Variants in TRAF3 observed in about 807,000 individuals in gnomAD.
TRAF3 encodes the protein TNF receptor associated factor 3, also known as TNF receptor-associated factor 3.
TRAF3 carries 13 observed loss-of-function variants against 62.3 expected under a neutral mutation model. That is an observed-to-expected ratio of 0.21 (90% CI 0.14 to 0.33). TRAF3 has a LOEUF of 0.33. Among genes scored for constraint, TRAF3 ranks in the 10% least tolerant of loss-of-function variants. The probability of loss-of-function intolerance (pLI) is 1.00; values close to 1 mark genes in which losing one functional copy is unlikely to be tolerated. For synonymous variants in TRAF3, 269 were observed against 283.4 expected (o/e 0.95, Z 0.51); for missense variants, 440 against 741.8 (o/e 0.59, Z 4.73).
rs201211273 is a variant in TRAF3, at chr14:102,891,405, G to T, written c.807G>T (p.Ser269=). ...ACCTGCTGAAGGAGTGGAGCAACTC[G>T]CTCGAAAAGAAGGTGGGCTGCACAC... ...HVNLLKEWSN[S]LEKKVSLLQN... Residue 269 remains serine (S), a synonymous_variant, in exon 9 of 12, where the codon TCG becomes TCT. Transcript: ENST00000392745. 2 of 1,612,036 alleles carry T rather than the reference G, an allele frequency of 1.2e-6. No homozygotes were observed. The highest frequency in any genetic ancestry group is 1.1e-5 in the South Asian group (1 of 90,566).
At chr14:102,904,809 C>CAAA (rs36006172) in intron 11 of TRAF3, among the ~76,000 whole-genome samples, 2 of 80,012 alleles carry the variant, frequency 2.5e-5, no homozygotes, top group East Asian at 3.4e-4. Flanking sequence ...GACTCCATCT[C>CAAA]AAAAAAAAAA....
At chr14:102,864,042 G>C (rs1049416420) in intron 2 of TRAF3, among the ~76,000 whole-genome samples, 3 of 152,104 alleles carry the variant, frequency 2.0e-5, no homozygotes, top group Admixed American at 2.0e-4. Context: ...TTCTTGCTGA[G>C]ATTCACCTGG....
At chr14:102,781,837 G>T (rs1370459080) in intron 1 of TRAF3, among the ~76,000 whole-genome samples, 1 of 143,188 alleles carries the variant, frequency 7.0e-6, no homozygotes, top group African/African-American at 2.7e-5. Context: ...CTGTCACCCA[G>T]ACTGAAGTGC....
intron 3 of TRAF3, among the ~76,000 whole-genome samples, chr14:102,870,917 G>T (rs1312021272): frequency 3.3e-5 from 5 of 152,232 alleles, no homozygotes; most frequent in Admixed American, 6.5e-5. Context: ...TGTGGAACAT[G>T]CACCGAGCCC....
rs1422877507 is a variant in TRAF3, at chr14:102,907,933, G to T, written c.*2149G>T. The T allele has an allele frequency of 2.0e-5, 3 of 152,288 alleles. No individual in the cohort carries two copies. Among genetic ancestry groups the T allele is most frequent in the Non-Finnish European group, 4.4e-5 (3 of 68,056 alleles). The allele number at this position is 152,288 out of a possible 1,614,324, so 9.4% of individuals were successfully genotyped here. On this transcript the variant is annotated 3_prime_UTR_variant, in exon 12 of 12. Coordinates refer to ENST00000392745, the MANE Select transcript of TRAF3 (RefSeq NM_145725.3). ...AGGAAGGACTTCCTGCAGAAGCTGC[G>T]GAAAACTACTGTTCCCTCGAAGGTG... is the stretch of plus-strand genomic sequence containing the variant.
intron 9 of TRAF3, among the ~76,000 whole-genome samples, chr14:102,895,878 A>G (rs1889981479): frequency 6.6e-6 from 1 of 152,112 alleles, no homozygotes; most frequent in African/African-American, 2.4e-5. Context: ...CTTCCGTGGA[A>G]GGGTATCCTC....
At chr14:102,833,994 G>GAA (rs34699700) in intron 2 of TRAF3, among the ~76,000 whole-genome samples, 47,826 of 149,858 alleles carry the variant, frequency 0.32, 9,851 homozygotes, top group African/African-American at 0.58. Flanking sequence ...GTCTCGGGGG[G>GAA]AAAAAAAAGA....
At position 102,777,633 on chromosome 14, in the gene TRAF3, C is replaced by T. The variant is rs898721497; in HGVS notation, c.-199C>T. ...ACGCTGCGGACCGCGGCGGAGGACGCGCCCGGCGCCCCTGAGCCGGCCGAG... is the reference window on the plus strand; with the variant it reads ...ACGCTGCGGACCGCGGCGGAGGACGTGCCCGGCGCCCCTGAGCCGGCCGAG... On this transcript the variant is annotated 5_prime_UTR_variant, in exon 1 of 12. Transcript: ENST00000392745. 68 of 144,882 alleles carry T rather than the reference C, an allele frequency of 4.7e-4. No individual in the cohort carries two copies. The highest frequency in any genetic ancestry group is 1.5e-3 in the African/African-American group (62 of 40,512). 9.0% of individuals were successfully genotyped at this position (144,882 alleles called of 1,614,324 possible).
intron 2 of TRAF3, among the ~76,000 whole-genome samples, chr14:102,842,311 T>A (rs1047113255): frequency 6.8e-6 from 1 of 147,870 alleles, no homozygotes; most frequent in African/African-American, 2.5e-5. Flanking sequence ...TAAAATAAAT[T>A]TATATATAGT....
chr14:102,830,526 A>G (rs1900611873), intron 2 of TRAF3, 54 bp downstream of exon 2: 1 of 152,194 alleles, frequency 6.6e-6, no homozygotes, highest in Non-Finnish European at 1.5e-5. Flanking sequence ...TTTGTCAGAA[A>G]GAGGCCTGTA....
Position 102,879,704 on chromosome 14 carries a change from CAACT to C in TRAF3, c.570+3182_570+3185del, listed in dbSNP as rs543785761. Among the ~76,000 whole-genome samples, 85 of 151,378 alleles carry C rather than the reference CAACT, an allele frequency of 5.6e-4. 1 individual carries two copies. The South Asian group carries it at 0.013, about 23-fold the overall frequency. On this transcript the variant is annotated intron_variant, in intron 6 of 11. Transcript: ENST00000392745. Reference sequence around the variant, plus strand: ...GCAAAAACGGCAATTACTTTTGCACCAACTAAATACTTTATAATCTCTGAATTTG... The same window carrying C: ...GCAAAAACGGCAATTACTTTTGCACCAAATACTTTATAATCTCTGAATTTG...
At chr14:102,886,080 G>A (rs1889365457) in intron 6 of TRAF3, 109 bp from the exon 7 acceptor site, 1 of 911,126 alleles carries the variant, frequency 1.1e-6, no homozygotes, top group Admixed American at 2.0e-5. Flanking sequence ...TAACTTAGAG[G>A]ACAGCGATGG....
chr14:102,857,818 A>G (rs905768698), intron 2 of TRAF3, among the ~76,000 whole-genome samples: 1 of 152,254 alleles, frequency 6.6e-6, no homozygotes, highest in African/African-American at 2.4e-5. Flanking sequence ...CTGTTGCAAA[A>G]GAAAACAGAT....
intron 1 of TRAF3, among the ~76,000 whole-genome samples, chr14:102,779,830 T>C (rs1316562607): frequency 6.6e-6 from 1 of 152,240 alleles, no homozygotes; most frequent in Non-Finnish European, 1.5e-5. Flanking sequence ...AGCAAGACTC[T>C]CCAAACAGCA....
rs1897962678 is a variant in TRAF3 at position 102,794,435 on chromosome 14, G to C, written c.-157+16760G>C. The stretch of plus-strand genomic sequence containing the variant: ...TGGGTTCAAACGATCCTCCCACCTT[G>C]GCCTCCCAAAGTGTTGGGATTACAG... On this transcript the variant is annotated intron_variant, in intron 1 of 11. Transcript: ENST00000392745. Among the ~76,000 whole-genome samples, 7 of 152,302 alleles carry C rather than the reference G, an allele frequency of 4.6e-5. No individual in the cohort carries two copies. In the South Asian group the frequency reaches 1.4e-3, roughly 32 times the overall value.
At chr14:102,818,078 G>GCAGGCA (rs376707179) in intron 1 of TRAF3, among the ~76,000 whole-genome samples, 1 of 152,300 alleles carries the variant, frequency 6.6e-6, no homozygotes, top group Non-Finnish European at 1.5e-5. Context: ...GGTGGTGGAG[G>GCAGGCA]CAGGCAGGGC....
chr14:102,808,959 G>C (rs2139504645), intron 1 of TRAF3: 2 of 152,076 alleles, frequency 1.3e-5, no homozygotes, highest in Admixed American at 1.3e-4. Flanking sequence ...GGGATTACAG[G>C]TGCGCGCCAT....
intron 9 of TRAF3, among the ~76,000 whole-genome samples, chr14:102,891,660 G>A (rs1262438255): frequency 1.3e-5 from 2 of 151,746 alleles, no homozygotes; most frequent in Non-Finnish European, 2.9e-5. Context: ...GATTATTTTA[G>A]CATCCATCCA....
intron 1 of TRAF3, among the ~76,000 whole-genome samples, chr14:102,822,605 C>T (rs1000092332): frequency 6.6e-6 from 1 of 152,170 alleles, no homozygotes; most frequent in Admixed American, 6.5e-5. Flanking sequence ...TGAGAACACA[C>T]TGAACTTTTG....
Sources: gnomAD v4.1 joint callset for allele counts (sites outside exome capture counted in the v4.1 genomes callset) on GRCh38, gnomAD v4.1.1 for gene constraint, MANE v1.5 for transcripts, NCBI Gene and HGNC (gene_info 2026-07-23, HGNC 2026-07-21) for gene names.